Variants in PODXL2 observed in about 807,000 individuals in gnomAD.
The protein encoded by PODXL2 is podocalyxin like 2.
A neutral mutation model predicts 53.4 loss-of-function variants in PODXL2; 17 were observed. That is an observed-to-expected ratio of 0.32 (90% CI 0.22 to 0.48). The LOEUF is 0.48. PODXL2 is among the 20% of genes least tolerant of loss of function. The pLI is 0.99. For synonymous variants in PODXL2, 311 were observed against 306.7 expected (o/e 1.01, Z -0.15); for missense variants, 673 against 760.0 (o/e 0.89, Z 1.35).
Position 127,629,420 on chromosome 3 carries a change from C to A in PODXL2, c.70+131C>A, listed in dbSNP as rs1457541216. 3 of 693,462 alleles carry A rather than the reference C, an allele frequency of 4.3e-6. No homozygotes were observed. The highest frequency in any genetic ancestry group is 6.2e-5 in the South Asian group (1 of 16,174). The allele number at this position is 693,462 out of a possible 1,614,324, so 43.0% of individuals were successfully genotyped here. A position where few individuals can be genotyped will look rare whatever the true frequency, so the allele number is the denominator to read the frequency against. The stretch of plus-strand genomic sequence containing the variant: ...GGGAGCGCGCGTGTCCCGGCCGGGC[C>A]GCGGCGCCGCCCCGACACACGCGCA... On this transcript the variant is annotated intron_variant, in intron 1 of 7. Transcript: ENST00000342480. This position sits in a 1 kb window ranked among gnomAD's most constrained non-coding sequence, Gnocchi z 6.4.
chr3:127,664,351 G>A (rs1445688872), intron 4 of PODXL2, among the ~76,000 whole-genome samples: 1 of 150,638 alleles, frequency 6.6e-6, no homozygotes, highest in African/African-American at 2.4e-5. Context: ...TTTTAAGGCT[G>A]AAAAATATTC....
In PODXL2 at chr3:127,668,916, G is replaced by A. The variant is rs138267826; in HGVS notation, c.1364-225G>A. Reference sequence around the variant, plus strand: ...GTTCAGAAGGCAGTGTGTGGGCTTCGCAAGTGGCTGGCTGGTGTTATACAA... The same window carrying A: ...GTTCAGAAGGCAGTGTGTGGGCTTCACAAGTGGCTGGCTGGTGTTATACAA... On this transcript the variant is annotated intron_variant, in intron 5 of 7. Transcript: ENST00000342480. Among the ~76,000 whole-genome samples the A allele has an allele frequency of 2.6e-3, 398 of 152,302 alleles. 1 individual carries two copies. The highest frequency in any genetic ancestry group is 9.1e-3 in the African/African-American group (379 of 41,554).
rs368660055 is a variant in PODXL2, at chr3:127,660,721, A to C, written c.693A>C (p.Ser231=). The C allele has an allele frequency of 2.5e-6, 4 of 1,614,114 alleles. No homozygotes were observed. The Admixed American group carries it at 5.0e-5, about 20-fold the overall frequency. ...RHEDSGDQAS[S]GVEVESSMGP... ...AAGACTCCGGGGACCAGGCCTCATCAGGTGTGGAGGTGGAGAGCAGCATGG... is the reference window on the plus strand; with the variant it reads ...AAGACTCCGGGGACCAGGCCTCATCCGGTGTGGAGGTGGAGAGCAGCATGG... The change falls in exon 3 of 8, where the codon TCA becomes TCC. Residue 231 remains serine, a synonymous_variant. Coordinates refer to ENST00000342480, the MANE Select transcript of PODXL2 (RefSeq NM_015720.4).
chr3:127,664,263 A>G (rs941646764), intron 4 of PODXL2, among the ~76,000 whole-genome samples: 1 of 152,018 alleles, frequency 6.6e-6, no homozygotes, highest in Non-Finnish European at 1.5e-5. Context: ...TCATTTTTAC[A>G]TCTGGTTCAT....
intron 4 of PODXL2, 26 bp downstream of exon 4, chr3:127,662,337 C>T (rs371080606): frequency 5.2e-5 from 83 of 1,593,580 alleles, no homozygotes; most frequent in East Asian, 2.0e-4. Context: ...GGCTCCGAAC[C>T]GCAGGGAAAG....
rs1242690603 is a variant in PODXL2 at position 127,672,563 on chromosome 3, CCCCGCGCCTA to C, written c.*88_*97del. The C allele has an allele frequency of 6.5e-6, 6 of 925,488 alleles. No individual in the cohort carries two copies. The highest frequency in any genetic ancestry group is 6.0e-6 in the Non-Finnish European group (4 of 664,572). 57.3% of individuals were successfully genotyped at this position (925,488 alleles called of 1,614,324 possible). A position where few individuals can be genotyped will look rare whatever the true frequency, so the allele number is the denominator to read the frequency against. ...ACGGACGGCCCGGAGCCCGCACCAG[CCCCGCGCCTA>C]CCCGGGCCGCCCCCGCGGCCTGGCC... On this transcript the variant is annotated 3_prime_UTR_variant, in exon 8 of 8. Coordinates refer to ENST00000342480, the MANE Select transcript of PODXL2 (RefSeq NM_015720.4).
chr3:127,634,612 G>C (rs1250498837), intron 1 of PODXL2, among the ~76,000 whole-genome samples: 2 of 151,430 alleles, frequency 1.3e-5, no homozygotes, highest in Non-Finnish European at 2.9e-5. Flanking sequence ...TGTAATCCCA[G>C]CTACTCGGGA....
intron 2 of PODXL2, among the ~76,000 whole-genome samples, chr3:127,660,023 T>A (rs1185709178): frequency 6.6e-6 from 1 of 152,194 alleles, no homozygotes; most frequent in Admixed American, 6.5e-5. Flanking sequence ...TTGTGGGATC[T>A]TCTTGGTGAA....
chr3:127,666,262 C>T (rs1293032728), intron 4 of PODXL2, among the ~76,000 whole-genome samples: 1 of 152,000 alleles, frequency 6.6e-6, no homozygotes, highest in African/African-American at 2.4e-5. Context: ...GTCCCAGCAC[C>T]TGTGATTGAA....
chr3:127,635,000 C>T (rs2074568211), intron 1 of PODXL2, among the ~76,000 whole-genome samples: 1 of 152,222 alleles, frequency 6.6e-6, no homozygotes, highest in Non-Finnish European at 1.5e-5. Flanking sequence ...TCTCTCATGT[C>T]TACACATCTA....
intron 3 of PODXL2, among the ~76,000 whole-genome samples, chr3:127,661,438 G>GT (rs753999242): frequency 0.011 from 1,556 of 144,898 alleles, 6 homozygotes; most frequent in African/African-American, 0.02. Context: ...GACATCTTTT[G>GT]TTTTTTTTTT....
intron 5 of PODXL2, 75 bp downstream of exon 5, chr3:127,668,672 A>T: frequency 7.5e-7 from 1 of 1,341,614 alleles, no homozygotes; most frequent in Admixed American, 3.2e-5. Context: ...CACGGGAAAA[A>T]AGTGCACGCA....
intron 2 of PODXL2, among the ~76,000 whole-genome samples, chr3:127,650,248 A>G (rs912666653): frequency 2.2e-4 from 34 of 152,248 alleles, no homozygotes; most frequent in African/African-American, 8.0e-4. Flanking sequence ...GATAGAAGTA[A>G]AGTCCAGAGT....
At chr3:127,667,974 C>T (rs2074804483) in intron 4 of PODXL2, among the ~76,000 whole-genome samples, 1 of 152,328 alleles carries the variant, frequency 6.6e-6, no homozygotes, top group Admixed American at 6.5e-5. Context: ...TGGCCATCAC[C>T]ACTCCCACCC....
At chr3:127,661,180 G>T in intron 3 of PODXL2, 21 bp downstream of exon 3, 3 of 1,574,410 alleles carry the variant, frequency 1.9e-6, no homozygotes, top group Non-Finnish European at 2.6e-6. Flanking sequence ...GGGCATGCGG[G>T]CCACCACCCT....
rs200557746 is a variant in PODXL2, at chr3:127,639,378, G to A, written c.204G>A (p.Met68Ile). 5.6e-6 allele frequency: 9 copies of A among 1,614,214 alleles called. No homozygotes were observed. Among genetic ancestry groups the A allele is most frequent in the Non-Finnish European group, 7.6e-6 (9 of 1,180,018 alleles). The change falls in exon 2 of 8, where the codon ATG becomes ATA. Residue 68 changes from methionine to isoleucine, a missense_variant. Met to Ile is a conservative substitution (Grantham distance 10, BLOSUM62 1). Coordinates refer to ENST00000342480, the MANE Select transcript of PODXL2 (RefSeq NM_015720.4). The stretch of plus-strand genomic sequence containing the variant: ...ACTCAGAGGAGCCTAGTGAGACCAT[G>A]GGCCTGGGAGCTGGGCTGGGAGCCC... ...PLDSEEPSET[M>I]GLGAGLGAPG...
chr3:127,649,149 A>G lies in PODXL2; in HGVS notation c.349+9626A>G, dbSNP rs181745524. On this transcript the variant is annotated intron_variant, in intron 2 of 7. Transcript: ENST00000342480. ...CATATATAAAAATATGCTTTTACAA[A>G]AAATGGACAATAGTGGACACTGTGG... is the stretch of plus-strand genomic sequence containing the variant. Among the ~76,000 whole-genome samples, 106 of 152,318 alleles carry G rather than the reference A, an allele frequency of 7.0e-4. 1 individual carries two copies. The highest frequency in any genetic ancestry group is 2.5e-3 in the African/African-American group (102 of 41,568).
At chr3:127,636,068 T>A (rs1287343209) in intron 1 of PODXL2, among the ~76,000 whole-genome samples, 1 of 152,216 alleles carries the variant, frequency 6.6e-6, no homozygotes, top group African/African-American at 2.4e-5. Flanking sequence ...TGGCACATCA[T>A]CACTTCTGCA....
chr3:127,634,850 C>T (rs2107703040), intron 1 of PODXL2, among the ~76,000 whole-genome samples: 1 of 152,346 alleles, frequency 6.6e-6, no homozygotes, highest in South Asian at 2.1e-4. Flanking sequence ...GACTCACACA[C>T]ATTTCAGTCT....
Sources: allele counts gnomAD v4.1 joint callset (sites outside exome capture counted in the v4.1 genomes callset), GRCh38; gene constraint gnomAD v4.1.1; non-coding constraint Gnocchi (gnomAD v3.1); transcripts MANE v1.5; gene names NCBI Gene and HGNC (gene_info 2026-07-23, HGNC 2026-07-21).